The following SGMS2 variants were observed in gnomAD, a reference collection of about 807,000 sequenced individuals.
SGMS2 encodes sphingomyelin synthase 2.
SGMS2 carries 21 observed loss-of-function variants against 43.8 expected under a neutral mutation model. The observed-to-expected ratio is 0.48, with a 90% CI of 0.34 to 0.69. The LOEUF (loss-of-function observed/expected upper bound fraction) is 0.69, where lower values mean the gene tolerates loss of function less well. Ranked by LOEUF, SGMS2 falls within the 30% of genes least tolerant of loss-of-function variation. The pLI is 0.01. For synonymous variants in SGMS2, 167 were observed against 160.6 expected, an observed-to-expected ratio of 1.04 and a Z score of -0.30; for missense variants, 384 against 443.2, an observed-to-expected ratio of 0.87 and a Z score of 1.20.
chr4:107,872,318 G>C (rs1728607491), intron 2 of SGMS2, among the ~76,000 whole-genome samples: 1 of 151,964 alleles, frequency 6.6e-6, no homozygotes, highest in African/African-American at 2.4e-5. Flanking sequence ...TCATAAGCCT[G>C]GTGAGCCTAA....
intron 1 of SGMS2, among the ~76,000 whole-genome samples, chr4:107,852,193 C>T (rs535317679): frequency 7.1e-4 from 108 of 151,918 alleles, no homozygotes; most frequent in African/African-American, 2.5e-3. Context: ...CTCAGCCTCC[C>T]GAGTAGCTGG....
chr4:107,841,660 T>C (rs1169000525), intron 1 of SGMS2, among the ~76,000 whole-genome samples: 1 of 152,120 alleles, frequency 6.6e-6, no homozygotes, highest in African/African-American at 2.4e-5. Context: ...TAGGTGTATA[T>C]ACTTATGGCC....
chr4:107,873,420 G>T (rs1728687873), intron 2 of SGMS2: 1 of 151,964 alleles, frequency 6.6e-6, no homozygotes, highest in African/African-American at 2.4e-5. Context: ...GTTTTCTCAG[G>T]GTTTAGATTT....
chr4:107,870,511 A>T (rs1025106522), intron 2 of SGMS2, among the ~76,000 whole-genome samples: 3 of 152,214 alleles, frequency 2.0e-5, no homozygotes, highest in African/African-American at 7.2e-5. Flanking sequence ...CTTTGTTCTT[A>T]GAGCTATGAA....
intron 1 of SGMS2, among the ~76,000 whole-genome samples, chr4:107,848,947 C>CATCTAACAACCTATTGCCAAACCT (rs2126011347): frequency 6.6e-6 from 1 of 152,176 alleles, no homozygotes; most frequent in Non-Finnish European, 1.5e-5. Flanking sequence ...TTTGGTGTTA[C>CATCTAACAACCTATTGCCAAACCT]ATCTAACAAC....
At chr4:107,832,778 A>G (rs1390584270) in intron 1 of SGMS2, among the ~76,000 whole-genome samples, 1 of 152,230 alleles carries the variant, frequency 6.6e-6, no homozygotes, top group Non-Finnish European at 1.5e-5. Flanking sequence ...CTGTAGTCCC[A>G]GCACTTTGGG....
intron 2 of SGMS2, among the ~76,000 whole-genome samples, chr4:107,880,286 A>G (rs1729239403): frequency 6.6e-6 from 1 of 152,242 alleles, no homozygotes. Flanking sequence ...GGACTTAGTT[A>G]AAGTATAAAA....
At chr4:107,897,683 C>T (rs542875202) in intron 3 of SGMS2, among the ~76,000 whole-genome samples, 27 of 152,188 alleles carry the variant, frequency 1.8e-4, no homozygotes, top group Admixed American at 3.9e-4. Context: ...AACACACGGT[C>T]ACATAGCCAG....
chr4:107,850,644 C>T (rs906050494), intron 1 of SGMS2, among the ~76,000 whole-genome samples: 8 of 152,132 alleles, frequency 5.3e-5, no homozygotes, highest in African/African-American at 1.7e-4. Flanking sequence ...CTTTCACTTT[C>T]CCTTCCTATA....
At position 107,913,719 on chromosome 4, in the gene SGMS2, A is replaced by G. The variant is rs1373425415; in HGVS notation, c.*3166A>G. 6.6e-6 allele frequency: 1 copy of G among 152,196 alleles called. No individual in the cohort carries two copies. The highest frequency in any genetic ancestry group is 6.6e-5 in the Admixed American group (1 of 15,266). The allele number at this position is 152,196 out of a possible 1,614,324, so 9.4% of individuals were successfully genotyped here. A position where few individuals can be genotyped will look rare whatever the true frequency, so the allele number is the denominator to read the frequency against. ...CCATTTGATCAAAGAAAATTTGTAG[A>G]ACATTTTTACCTCTCATGATCACAA... On this transcript the variant is annotated 3_prime_UTR_variant, in exon 7 of 7. Transcript: ENST00000690982.
chr4:107,903,439 TG>T, intron 5 of SGMS2, 53 bp downstream of exon 5: 1 of 1,574,268 alleles, frequency 6.4e-7, no homozygotes. Flanking sequence ...GAGGGATCCC[TG>T]GGCCCTGAAA....
At chr4:107,904,619 T>G (rs1219043731) in intron 5 of SGMS2, among the ~76,000 whole-genome samples, 2 of 152,196 alleles carry the variant, frequency 1.3e-5, no homozygotes, top group African/African-American at 4.8e-5. Flanking sequence ...GTAGGGAGAA[T>G]AGTGGGATAC....
chr4:107,899,739 A>T (rs1315298715), intron 4 of SGMS2, 47 bp downstream of exon 4: 1 of 1,278,896 alleles, frequency 7.8e-7, no homozygotes, highest in Admixed American at 1.8e-5. Context: ...GCAAACAGTT[A>T]TTGATCACTT....
At chr4:107,832,649 T>C (rs965796761) in intron 1 of SGMS2, among the ~76,000 whole-genome samples, 2 of 152,196 alleles carry the variant, frequency 1.3e-5, no homozygotes, top group Admixed American at 1.3e-4. Flanking sequence ...AGAAAAAAAT[T>C]GCACCTGTTC....
chr4:107,887,830 T>C (rs1729877356), intron 2 of SGMS2, among the ~76,000 whole-genome samples: 1 of 152,156 alleles, frequency 6.6e-6, no homozygotes, highest in Non-Finnish European at 1.5e-5. Context: ...ATGAAGCCAA[T>C]TAAATTTGTT....
chr4:107,844,194 G>A (rs1402855658), intron 1 of SGMS2, among the ~76,000 whole-genome samples: 1 of 151,890 alleles, frequency 6.6e-6, no homozygotes, highest in Non-Finnish European at 1.5e-5. Context: ...CATGGAGGTG[G>A]GCACCTGTAG....
At chr4:107,834,755 G>A (rs377162073) in intron 1 of SGMS2, among the ~76,000 whole-genome samples, 80 of 152,298 alleles carry the variant, frequency 5.3e-4, no homozygotes, top group African/African-American at 1.9e-3. Flanking sequence ...AAGAACAAGA[G>A]GCTGGGCCCA....
chr4:107,882,788 G>T (rs912155719), intron 2 of SGMS2, among the ~76,000 whole-genome samples: 5 of 152,042 alleles, frequency 3.3e-5, no homozygotes, highest in African/African-American at 4.8e-5. Context: ...TGTCTGTTAA[G>T]AAATTCAGCA....
intron 2 of SGMS2, among the ~76,000 whole-genome samples, chr4:107,878,333 G>A (rs1729086080): frequency 6.6e-6 from 1 of 152,148 alleles, no homozygotes; most frequent in Non-Finnish European, 1.5e-5. Flanking sequence ...ATGGAGCTGG[G>A]GAAAAGGGGT....
Sources: allele counts gnomAD v4.1 joint callset (sites outside exome capture counted in the v4.1 genomes callset), GRCh38; gene constraint gnomAD v4.1.1; transcripts MANE v1.5; gene names NCBI Gene and HGNC (gene_info 2026-07-23, HGNC 2026-07-21).